Variants in FBXL18 observed in about 807,000 individuals in gnomAD.
The protein encoded by FBXL18 is F-box/LRR-repeat protein 18.
FBXL18 carries 36 observed loss-of-function variants against 46.0 expected under a neutral mutation model. The ratio of observed to expected loss-of-function variants is 0.78; its 90% CI spans 0.60 to 1.03. The LOEUF (loss-of-function observed/expected upper bound fraction) is 1.03, where lower values mean the gene tolerates loss of function less well. Ranked by LOEUF, FBXL18 falls within the 50% of genes least tolerant of loss-of-function variation. FBXL18 has a pLI of 0.00. For synonymous variants in FBXL18, 557 were observed against 465.3 expected, an observed-to-expected ratio of 1.20 and a Z score of -2.54; for missense variants, 977 against 1,004.1, an observed-to-expected ratio of 0.97 and a Z score of 0.36.
At chr7:5,472,868 T>G (rs984949463), downstream of FBXL18, among the ~76,000 whole-genome samples, 1 of 152,172 alleles carries the variant, frequency 6.6e-6, no homozygotes, top group Admixed American at 6.5e-5. Context: ...TGCCTTGTTA[T>G]GTACAAGACA....
Position 5,501,553 on chromosome 7 carries a change from G to A in FBXL18, c.716C>T (p.Pro239Leu). Residue 239 changes from proline (P) to leucine (L), a missense_variant, in exon 3 of 5, where the codon CCC becomes CTC. Physicochemically the swap from Pro to Leu is moderately conservative, Grantham distance 98 (BLOSUM62 -3). Transcript: ENST00000382368. ...NLRVFYARLA[P>L]GYINQEVVRL... ...CACCACCTCCTGGTTGATGTAGCCG[G>A]GGGCCAGGCGCGCATAGAAGACCCG... 6.2e-7 allele frequency: 1 copy of A among 1,613,922 alleles called. No individual in the cohort carries two copies. Among genetic ancestry groups the A allele is most frequent in the Non-Finnish European group, 8.5e-7 (1 of 1,180,014 alleles).
chr7:5,484,807 T>A (rs1243238346), intron 4 of FBXL18, among the ~76,000 whole-genome samples: 1 of 151,768 alleles, frequency 6.6e-6, no homozygotes, highest in Non-Finnish European at 1.5e-5. Context: ...CCTGGCTAAT[T>A]TTTGTATCTT....
chr7:5,473,599 T>A (rs1211454770), downstream of FBXL18, among the ~76,000 whole-genome samples: 1 of 149,380 alleles, frequency 6.7e-6, no homozygotes, highest in Non-Finnish European at 1.5e-5. Flanking sequence ...CCGTCTCTAC[T>A]AAAAATACAA....
intron 4 of FBXL18, among the ~76,000 whole-genome samples, chr7:5,482,681 G>C (rs532109774): frequency 6.6e-6 from 1 of 152,192 alleles, no homozygotes; most frequent in African/African-American, 2.4e-5. Context: ...CCATGAAGCA[G>C]AACAGGGACC....
rs1034913407 is a variant in FBXL18 at position 5,491,137 on chromosome 7, C to T, written c.2000+94G>A. 3 of 1,188,994 alleles carry T rather than the reference C, an allele frequency of 2.5e-6. No individual in the cohort carries two copies. The African/African-American group carries it at 4.6e-5, about 18-fold the overall frequency. The allele number at this position is 1,188,994 out of a possible 1,614,324, so 73.7% of individuals were successfully genotyped here. ...CTGGTGCTCGTCAATTCCAAGAAAC[C>T]ACTGGTAGGCACTCGGTGAAGGCTG... On this transcript the variant is annotated intron_variant, in intron 4 of 4. Transcript: ENST00000382368.
chr7:5,485,558 A>G (rs1433623732), intron 4 of FBXL18, among the ~76,000 whole-genome samples: 1 of 152,198 alleles, frequency 6.6e-6, no homozygotes, highest in Non-Finnish European at 1.5e-5. Flanking sequence ...TCACGCCTGT[A>G]ATCCCAGCAC....
At chr7:5,507,250 G>A (rs1450859019) in intron 1 of FBXL18, among the ~76,000 whole-genome samples, 5 of 152,152 alleles carry the variant, frequency 3.3e-5, no homozygotes, top group Non-Finnish European at 7.3e-5. Context: ...TGGAGGAAGA[G>A]CCTATCTGCA....
At position 5,505,429 on chromosome 7, in the gene FBXL18, G is replaced by A; in HGVS notation, c.220C>T (p.Leu74=). 1 of 1,614,118 alleles carries A rather than the reference G, an allele frequency of 6.2e-7. No individual in the cohort carries two copies. Among genetic ancestry groups the A allele is most frequent in the African/African-American group, 1.3e-5 (1 of 75,030 alleles). ...CTGCTCACCTGATAGTCCTTTTGCA[G>A]CAACACGGTGTGGATGAGGCTCTTG... ...LDKSLIHTVL[L]QKDYQASEDK... Residue 74 remains leucine (L), a synonymous_variant, in exon 2 of 5, where the codon CTG becomes TTG. Coordinates refer to ENST00000382368, the MANE Select transcript of FBXL18 (RefSeq NM_024963.6).
chr7:5,464,700 TAAAA>T (rs11343614), intron 4 of FBXL18, among the ~76,000 whole-genome samples: 2 of 86,564 alleles, frequency 2.3e-5, no homozygotes, highest in East Asian at 8.2e-4. Flanking sequence ...GATGGTTAAT[TAAAA>T]AAAAAAAAAA....
chr7:5,472,689 G>A (rs552802183), downstream of FBXL18, among the ~76,000 whole-genome samples: 3 of 152,270 alleles, frequency 2.0e-5, no homozygotes, highest in Admixed American at 2.0e-4. Flanking sequence ...CCAGACCTGC[G>A]AGTGAAGATG....
At chr7:5,511,463 G>A (rs940425737) in intron 1 of FBXL18, among the ~76,000 whole-genome samples, 4 of 152,070 alleles carry the variant, frequency 2.6e-5, no homozygotes, top group African/African-American at 7.2e-5. Flanking sequence ...ATACAAATGC[G>A]GACGTAGTGG....
intron 4 of FBXL18, among the ~76,000 whole-genome samples, chr7:5,463,964 C>T (rs2128231248): frequency 6.6e-6 from 1 of 151,754 alleles, no homozygotes; most frequent in East Asian, 2.0e-4. Flanking sequence ...TGGTCTCGAA[C>T]TACTGACCTC....
intron 3 of FBXL18, among the ~76,000 whole-genome samples, chr7:5,498,034 A>C (rs955974735): frequency 6.6e-6 from 1 of 151,114 alleles, no homozygotes; most frequent in Non-Finnish European, 1.5e-5. Context: ...CTGAGGCTCA[A>C]GGCCTTCACT....
intron 2 of FBXL18, among the ~76,000 whole-genome samples, chr7:5,503,656 G>A (rs141462275): frequency 6.6e-6 from 1 of 151,834 alleles, no homozygotes; most frequent in East Asian, 1.9e-4. Flanking sequence ...CACCAGACCC[G>A]GCCAAAAAAT....
At chr7:5,466,650 C>T (rs1034433188) in intron 4 of FBXL18, among the ~76,000 whole-genome samples, 4 of 152,188 alleles carry the variant, frequency 2.6e-5, no homozygotes, top group Admixed American at 1.3e-4. Context: ...CCACAGAACC[C>T]GCAATCATGG....
intron 1 of FBXL18, among the ~76,000 whole-genome samples, chr7:5,513,264 A>G (rs1363642969): frequency 6.6e-6 from 1 of 152,108 alleles, no homozygotes; most frequent in South Asian, 2.1e-4. Context: ...GCTGAAACTG[A>G]GCATCCAGAG....
intron 4 of FBXL18, chr7:5,489,354 G>T: frequency 1.9e-6 from 1 of 517,788 alleles, no homozygotes; most frequent in South Asian, 1.4e-5. Flanking sequence ...GTTGATGTTG[G>T]CCAGGCGTTG....
chr7:5,456,403 G>A (rs899886692), intron 4 of FBXL18, among the ~76,000 whole-genome samples: 1 of 152,210 alleles, frequency 6.6e-6, no homozygotes, highest in Non-Finnish European at 1.5e-5. Context: ...AACTCATCAC[G>A]ATGTGCTCGC....
chr7:5,462,970 A>AAAAAAAAAATATG (rs1783275565), intron 4 of FBXL18, among the ~76,000 whole-genome samples: 1 of 13,826 alleles, frequency 7.2e-5, no homozygotes, highest in African/African-American at 1.8e-4. Flanking sequence ...AAAAAAAAAA[A>AAAAAAAAAATATG]TATATATATA....
Sources: allele counts gnomAD v4.1 joint callset (sites outside exome capture counted in the v4.1 genomes callset), GRCh38; gene constraint gnomAD v4.1.1; transcripts MANE v1.5; gene names NCBI Gene and HGNC (gene_info 2026-07-23, HGNC 2026-07-21).